Variants in NIPSNAP3B observed in about 807,000 individuals in gnomAD.
NIPSNAP3B encodes the protein nipsnap homolog 3B, also known as protein NipSnap homolog 3B.
Under a neutral mutation model 31.5 loss-of-function variants are expected in NIPSNAP3B, and 30 were observed. The observed-to-expected ratio is 0.95, with a 90% CI of 0.71 to 1.29. The LOEUF (loss-of-function observed/expected upper bound fraction) is 1.29, where lower values mean the gene tolerates loss of function less well. Ranked by LOEUF, NIPSNAP3B falls within the 50% of genes most tolerant of loss-of-function variation. NIPSNAP3B has a pLI of 0.00. For synonymous variants in NIPSNAP3B, 106 were observed against 107.9 expected (o/e 0.98, Z 0.11); for missense variants, 269 against 300.7 (o/e 0.89, Z 0.78).
chr9:104,770,903 G>A lies in NIPSNAP3B; in HGVS notation c.485G>A (p.Gly162Asp), dbSNP rs760374962. 10 of 1,613,860 alleles carry A rather than the reference G, an allele frequency of 6.2e-6. No homozygotes were observed. Among genetic ancestry groups the A allele is most frequent in the Non-Finnish European group, 5.9e-6 (7 of 1,179,786 alleles). Residue 162 changes from glycine (G) to aspartate (D), a missense_variant, in exon 4 of 6, where the codon GGT becomes GAT. Gly to Asp is a moderately conservative substitution (Grantham distance 94). Coordinates refer to ENST00000374762, the MANE Select transcript of NIPSNAP3B (RefSeq NM_018376.4). ...AAACCTGGTGGGCCAGCTCTGTGGG[G>A]TGATGCATTTGAAAGAGCAATTAAT... is the stretch of plus-strand genomic sequence containing the variant. ...QMKPGGPALW[G>D]DAFERAINAH...
At chr9:104,769,453 C>CA (rs34083177) in intron 3 of NIPSNAP3B, among the ~76,000 whole-genome samples, 20,748 of 109,318 alleles carry the variant, frequency 0.19, 2,387 homozygotes, top group South Asian at 0.3. Context: ...GACTCCGTCT[C>CA]AAAAAAAAAA....
chr9:104,769,856 C>T (rs1008839020), intron 3 of NIPSNAP3B, among the ~76,000 whole-genome samples: 1 of 152,184 alleles, frequency 6.6e-6, no homozygotes, highest in Non-Finnish European at 1.5e-5. Flanking sequence ...GTGTCTTCCT[C>T]TTTCTTGTTT....
the NIPSNAP3B span, chr9:104,786,519 G>T: frequency 3.1e-5 from 26 of 843,412 alleles, no homozygotes; most frequent in East Asian, 6.5e-4. Flanking sequence ...TGGATATAGG[G>T]ATGATGCTGT....
chr9:104,770,810 A>G, intron 3 of NIPSNAP3B, 39 bp from the exon 4 acceptor site: 1 of 1,593,332 alleles, frequency 6.3e-7, no homozygotes, highest in Non-Finnish European at 8.6e-7. Context: ...AATTGTTTGA[A>G]TGTCTTCTGT....
At chr9:104,764,347 AG>A in intron 1 of NIPSNAP3B, 47 bp downstream of exon 1, 1 of 1,470,134 alleles carries the variant, frequency 6.8e-7, no homozygotes. Flanking sequence ...AGGGGAGGGG[AG>A]GGGCGGGGGG....
the NIPSNAP3B span, chr9:104,788,661 C>T: frequency 3.0e-5 from 43 of 1,443,532 alleles, no homozygotes; most frequent in Admixed American, 6.4e-4. Flanking sequence ...TATGCTTCTC[C>T]ATTACAAAGA....
At position 104,773,225 on chromosome 9, in the gene NIPSNAP3B, C is replaced by T. The variant is rs538788829; in HGVS notation, c.*152C>T. On this transcript the variant is annotated 3_prime_UTR_variant, in exon 6 of 6. Transcript: ENST00000374762. ...GTGCTTCTTGCATTTTTGAAAGTTA[C>T]ATATTCTCCACTGCTTTAAGAAATA... 1.7e-5 allele frequency: 12 copies of T among 697,172 alleles called. No individual in the cohort carries two copies. Among genetic ancestry groups the T allele is most frequent in the Non-Finnish European group, 2.9e-5 (12 of 416,746 alleles). The allele number at this position is 697,172 out of a possible 1,614,324, so 43.2% of individuals were successfully genotyped here.
the NIPSNAP3B span, chr9:104,784,332 T>G: frequency 6.2e-7 from 1 of 1,614,166 alleles, no homozygotes; most frequent in African/African-American, 1.3e-5. Context: ...TAGCTTTCTT[T>G]CACTTTCTCA....
chr9:104,772,792 T>C (rs945639290), intron 4 of NIPSNAP3B, 30 bp from the exon 5 acceptor site: 2 of 1,600,422 alleles, frequency 1.2e-6, no homozygotes, highest in East Asian at 2.2e-5. Context: ...GCCATATATT[T>C]CAGAAACTAC....
chr9:104,767,168 G>C (rs1828106711), intron 2 of NIPSNAP3B, among the ~76,000 whole-genome samples: 1 of 152,052 alleles, frequency 6.6e-6, no homozygotes, highest in Non-Finnish European at 1.5e-5. Context: ...GTTTTTAAAG[G>C]ATGATAGTTA....
the NIPSNAP3B span, chr9:104,785,429 T>G: frequency 6.2e-7 from 1 of 1,614,096 alleles, no homozygotes; most frequent in South Asian, 1.1e-5. Context: ...CAGAGTAGTC[T>G]TCTATGTGGA....
At chr9:104,790,033 T>C in the NIPSNAP3B span, among the ~76,000 whole-genome samples, 2 of 151,328 alleles carry the variant, frequency 1.3e-5, no homozygotes, top group South Asian at 4.2e-4. Context: ...GAGGCGGAGG[T>C]TGCAGTGAGC....
At chr9:104,769,712 T>A (rs961654649) in intron 3 of NIPSNAP3B, among the ~76,000 whole-genome samples, 3 of 152,206 alleles carry the variant, frequency 2.0e-5, no homozygotes, top group Non-Finnish European at 2.9e-5. Flanking sequence ...GTATAAACTT[T>A]TAAATATAAA....
Position 104,764,246 on chromosome 9 carries a change from C to A in NIPSNAP3B, c.6C>A (p.Leu2=), listed in dbSNP as rs1476017395. 1.9e-6 allele frequency: 3 copies of A among 1,602,010 alleles called. No homozygotes were observed. The highest frequency in any genetic ancestry group is 2.2e-5 in the East Asian group (1 of 44,450). Residue 2 remains leucine, a synonymous_variant, in exon 1 of 6, where the codon CTC becomes CTA. Coordinates refer to ENST00000374762, the MANE Select transcript of NIPSNAP3B (RefSeq NM_018376.4). Reference sequence around the variant, plus strand: ...CTCAGTGCCGAAGCCGCGCCATGCTCGTTCTCAGAAGCGGCCTGACCAAGG... The same window carrying A: ...CTCAGTGCCGAAGCCGCGCCATGCTAGTTCTCAGAAGCGGCCTGACCAAGG... M[L]VLRSGLTKAL...
intron 3 of NIPSNAP3B, among the ~76,000 whole-genome samples, chr9:104,770,362 G>A (rs548575297): frequency 2.8e-4 from 42 of 152,054 alleles, no homozygotes; most frequent in African/African-American, 9.9e-4. Context: ...CATGACTTTG[G>A]GTCAACTAGA....
rs2118810306 is a variant in NIPSNAP3B, at chr9:104,776,080, T to C, written c.*3007T>C. ...TCAACACCCCCTCCCAATACCTTCA[T>C]GTCATCCTCAGAGTTATTGTCCAAG... On this transcript the variant is annotated 3_prime_UTR_variant, in exon 6 of 6. Coordinates refer to ENST00000374762, the MANE Select transcript of NIPSNAP3B (RefSeq NM_018376.4). Among the ~76,000 whole-genome samples the C allele has an allele frequency of 6.6e-6, 1 of 152,294 alleles. No homozygotes were observed. The highest frequency in any genetic ancestry group is 2.4e-5 in the African/African-American group (1 of 41,570).
chr9:104,787,227 A>G, the NIPSNAP3B span, among the ~76,000 whole-genome samples: 2 of 152,220 alleles, frequency 1.3e-5, no homozygotes, highest in Non-Finnish European at 2.9e-5. Flanking sequence ...ATTTCTCCAA[A>G]TAAATAGGGA....
At position 104,773,742 on chromosome 9, in the gene NIPSNAP3B, C is replaced by G. The variant is rs1828276013; in HGVS notation, c.*669C>G. The G allele has an allele frequency of 6.6e-6, 1 of 152,082 alleles. No homozygotes were observed. Among genetic ancestry groups the G allele is most frequent in the African/African-American group, 2.4e-5 (1 of 41,430 alleles). The allele number at this position is 152,082 out of a possible 1,614,324, so 9.4% of individuals were successfully genotyped here. A position where few individuals can be genotyped will look rare whatever the true frequency, so the allele number is the denominator to read the frequency against. ...TTATAATTAATTTTACTAATTTCTA[C>G]TTAGTTTGGATCACTAACAGAGATC... is the stretch of plus-strand genomic sequence containing the variant. On this transcript the variant is annotated 3_prime_UTR_variant, in exon 6 of 6. Transcript: ENST00000374762.
At position 104,766,549 on chromosome 9, in the gene NIPSNAP3B, C is replaced by G; in HGVS notation, c.271+14C>G. ...TTTGGAAGTATGGTAAAGAGTCATC[C>G]AGTTTTAGTATTCAGTATAGATTTT... On this transcript the variant is annotated intron_variant, in intron 2 of 5. Transcript: ENST00000374762. 6.2e-7 allele frequency: 1 copy of G among 1,602,336 alleles called. No individual in the cohort carries two copies. Among genetic ancestry groups the G allele is most frequent in the Admixed American group, 1.7e-5 (1 of 59,992 alleles).
Sources: allele counts gnomAD v4.1 joint callset (sites outside exome capture counted in the v4.1 genomes callset), GRCh38; gene constraint gnomAD v4.1.1; transcripts MANE v1.5; gene names NCBI Gene and HGNC (gene_info 2026-07-23, HGNC 2026-07-21).